The following RXFP2 variants were observed in gnomAD, a reference collection of about 807,000 sequenced individuals.
RXFP2 encodes the protein relaxin family peptide receptor 2.
A neutral mutation model predicts 88.6 loss-of-function variants in RXFP2; 68 were observed. The observed-to-expected ratio is 0.77, with a 90% CI of 0.63 to 0.94. The LOEUF is 0.94. Among genes scored for constraint, RXFP2 ranks in the 40% least tolerant of loss-of-function variants. The pLI is 0.00. For synonymous variants in RXFP2, 329 were observed against 306.8 expected (o/e 1.07, Z -0.76); for missense variants, 791 against 893.9 (o/e 0.88, Z 1.47).
chr13:31,761,683 G>A (rs951371919), intron 2 of RXFP2, 41 bp from the exon 3 acceptor site: 2 of 1,355,550 alleles, frequency 1.5e-6, no homozygotes, highest in Non-Finnish European at 1.1e-6. Context: ...ATGGTATTTA[G>A]TTTCTAGAAT....
chr13:31,779,671 T>C (rs564895668), intron 9 of RXFP2, among the ~76,000 whole-genome samples: 126 of 152,296 alleles, frequency 8.3e-4, no homozygotes, highest in African/African-American at 2.8e-3. Flanking sequence ...TGCTTTCCTG[T>C]TCCATGAAAA....
chr13:31,779,156 C>T (rs999159042), intron 9 of RXFP2, among the ~76,000 whole-genome samples: 3 of 146,296 alleles, frequency 2.1e-5, no homozygotes, highest in Non-Finnish European at 4.5e-5. Context: ...GATGGAGTCT[C>T]ACTCTGTTAC....
At chr13:31,797,116 G>C (rs1352580056) in intron 16 of RXFP2, 85 bp from the exon 17 acceptor site, 1 of 929,932 alleles carries the variant, frequency 1.1e-6, no homozygotes, top group Non-Finnish European at 1.8e-6. Context: ...CAAACATTTT[G>C]GGTAAGGGAT....
chr13:31,802,602 G>C lies in RXFP2; in HGVS notation c.*197G>C, dbSNP rs552958527. 3.3e-5 allele frequency: 21 copies of C among 633,276 alleles called. No individual in the cohort carries two copies. Among genetic ancestry groups the C allele is most frequent in the African/African-American group, 5.5e-5 (3 of 54,926 alleles). 39.2% of individuals were successfully genotyped at this position (633,276 alleles called of 1,614,324 possible). A position where few individuals can be genotyped will look rare whatever the true frequency, so the allele number is the denominator to read the frequency against. Reference sequence around the variant, plus strand: ...AACCATGCTGAGGACAGCACCAAAGGTTCCTCTCCTCACCCCACATGCCTG... The same window carrying C: ...AACCATGCTGAGGACAGCACCAAAGCTTCCTCTCCTCACCCCACATGCCTG... On this transcript the variant is annotated 3_prime_UTR_variant, in exon 18 of 18. Coordinates refer to ENST00000298386, the MANE Select transcript of RXFP2 (RefSeq NM_130806.5).
At chr13:31,767,506 T>C (rs1048269242) in intron 5 of RXFP2, among the ~76,000 whole-genome samples, 8 of 152,186 alleles carry the variant, frequency 5.3e-5, no homozygotes, top group African/African-American at 1.9e-4. Context: ...GAATAATACA[T>C]GTGGGAGGAA....
In RXFP2 at chr13:31,739,536, AGG is replaced by A; in HGVS notation, c.-76_-75del. On this transcript the variant is annotated 5_prime_UTR_variant, in exon 1 of 18. The change creates a premature stop within an existing upstream ORF in the 5' untranslated region. Coordinates refer to ENST00000298386, the MANE Select transcript of RXFP2 (RefSeq NM_130806.5). ...GCTGTGAGCATGCTCAGAACATGGG[AGG>A]CACTGAACTTACTACATCAGAACTC... The A allele has an allele frequency of 1.1e-6, 1 of 869,710 alleles. No individual in the cohort carries two copies. Among genetic ancestry groups the A allele is most frequent in the South Asian group, 1.3e-5 (1 of 75,282 alleles). 53.9% of individuals were successfully genotyped at this position (869,710 alleles called of 1,614,324 possible).
chr13:31,762,895 A>G (rs1243272258), intron 3 of RXFP2, among the ~76,000 whole-genome samples: 2 of 152,034 alleles, frequency 1.3e-5, no homozygotes, highest in African/African-American at 4.8e-5. Flanking sequence ...AAATCATCAT[A>G]GTTTTGGGCC....
At chr13:31,739,783 T>A in intron 1 of RXFP2, 77 bp downstream of exon 1, 1 of 920,910 alleles carries the variant, frequency 1.1e-6, no homozygotes, top group Non-Finnish European at 1.8e-6. Context: ...ATGGCAGTTG[T>A]AATAAATATA....
At chr13:31,778,634 T>G (rs761864512) in intron 9 of RXFP2, 51 bp downstream of exon 9, 41 of 1,266,274 alleles carry the variant, frequency 3.2e-5, no homozygotes, top group Non-Finnish European at 4.5e-5. Flanking sequence ...TTAAGGAAAC[T>G]AGCCATAAAG....
chr13:31,789,685 T>C (rs1407780066), intron 14 of RXFP2, among the ~76,000 whole-genome samples: 2 of 152,248 alleles, frequency 1.3e-5, no homozygotes, highest in Non-Finnish European at 2.9e-5. Context: ...TAAAGTGCAC[T>C]GTGTAAGTTG....
chr13:31,789,038 C>A, intron 13 of RXFP2, 84 bp from the exon 14 acceptor site: 1 of 846,626 alleles, frequency 1.2e-6, no homozygotes, highest in Non-Finnish European at 2.0e-6. Flanking sequence ...GATCTTGAAG[C>A]ATTATATTTC....
Position 31,739,701 on chromosome 13 carries a change from T to C in RXFP2, c.89T>C (p.Val30Ala). The C allele has an allele frequency of 1.3e-6, 2 of 1,593,812 alleles. No homozygotes were observed. Among genetic ancestry groups the C allele is most frequent in the African/African-American group, 1.3e-5 (1 of 74,644 alleles). Residue 30 changes from valine to alanine, a missense_variant, in exon 1 of 18, where the codon GTC becomes GCC. Transcript: ENST00000298386. The stretch of plus-strand genomic sequence containing the variant: ...CTTCATTTCATCGTTCTGATCAATG[T>C]CAAAGGTAAGGTTGCTACTTTCTCG... ...FLLHFIVLIN[V>A]KDFALTQGSM...
chr13:31,747,889 T>C (rs1488685662), intron 1 of RXFP2, among the ~76,000 whole-genome samples: 1 of 152,164 alleles, frequency 6.6e-6, no homozygotes, highest in African/African-American at 2.4e-5. Context: ...GAGATGATCA[T>C]CAAAGAAATA....
At chr13:31,789,239 C>A (rs750373465) in intron 14 of RXFP2, 46 bp downstream of exon 14, 2 of 1,171,518 alleles carry the variant, frequency 1.7e-6, no homozygotes, top group Non-Finnish European at 1.3e-6. Flanking sequence ...TAAAATGCTT[C>A]AAATTATCTC....
chr13:31,739,985 T>C (rs1270536062), intron 1 of RXFP2, among the ~76,000 whole-genome samples: 1 of 152,130 alleles, frequency 6.6e-6, no homozygotes, highest in East Asian at 1.9e-4. Flanking sequence ...AATTAAAACA[T>C]AGAAAACATT....
Position 31,792,909 on chromosome 13 carries a change from G to C in RXFP2, c.1607G>C (p.Arg536Pro). The C allele has an allele frequency of 1.2e-6, 2 of 1,614,096 alleles. No individual in the cohort carries two copies. Among genetic ancestry groups the C allele is most frequent in the Non-Finnish European group, 1.7e-6 (2 of 1,180,030 alleles). The change falls in exon 16 of 18, where the codon CGG (arginine) becomes CCG (proline). Residue 536 changes from arginine (R) to proline (P), a missense_variant. Transcript: ENST00000298386. ...FPFSNIRPGK[R>P]QTSVILICIW... The stretch of plus-strand genomic sequence containing the variant: ...TTCAGTAACATTCGACCTGGAAAAC[G>C]GCAGACCTCAGTCATCCTCATTTGC...
chr13:31,776,561 G>A (rs1216432711), intron 7 of RXFP2, among the ~76,000 whole-genome samples: 3 of 151,896 alleles, frequency 2.0e-5, no homozygotes, highest in African/African-American at 4.8e-5. Flanking sequence ...GCCCAGCCCA[G>A]GCAACTTTCT....
Position 31,793,060 on chromosome 13 carries a change from C to T in RXFP2, c.1758C>T (p.Ser586=), listed in dbSNP as rs376914410. 2.3e-5 allele frequency: 37 copies of T among 1,612,552 alleles called. No individual in the cohort carries two copies. The highest frequency in any genetic ancestry group is 3.1e-5 in the Non-Finnish European group (36 of 1,178,886). ...ATGACCAAACAGAAGATATTGGAAG[C>T]AAAGGGTATTCTCTTGGAATTTTCC... ...LYYDQTEDIG[S]KGYSLGIFLG... The change falls in exon 16 of 18, where the codon AGC becomes AGT. Residue 586 remains serine, a synonymous_variant. Coordinates refer to ENST00000298386, the MANE Select transcript of RXFP2 (RefSeq NM_130806.5).
rs534485995 is a variant in RXFP2 at position 31,749,543 on chromosome 13, A to C, written c.95-8715A>C. 3.7e-4 allele frequency among the ~76,000 whole-genome samples: 56 copies of C among 152,310 alleles called. No individual in the cohort carries two copies. In the South Asian group the frequency reaches 4.1e-3, roughly 11 times the overall value. ...ATTTAGGGAAAGAATGAACATCTTT[A>C]AAATATTGTCCTCCACTTATTTATG... On this transcript the variant is annotated intron_variant, in intron 1 of 17. Transcript: ENST00000298386.
Sources: gnomAD v4.1 joint callset for allele counts (sites outside exome capture counted in the v4.1 genomes callset) on GRCh38, gnomAD v4.1.1 for gene constraint, MANE v1.5 for transcripts, NCBI Gene and HGNC (gene_info 2026-07-23, HGNC 2026-07-21) for gene names.